The following NCKAP5 variants were observed in gnomAD, a reference collection of about 807,000 sequenced individuals.
NCKAP5 encodes the protein NCK associated protein 5.
In NCKAP5, 92 loss-of-function variants were observed where a neutral mutation model predicts 167.0. The ratio of observed to expected loss-of-function variants is 0.55; its 90% CI spans 0.47 to 0.66. The LOEUF (loss-of-function observed/expected upper bound fraction) is 0.66, where lower values mean the gene tolerates loss of function less well. NCKAP5 is among the 30% of genes least tolerant of loss of function. The pLI, the probability that NCKAP5 is intolerant of heterozygous loss-of-function variation, is 0.00. For synonymous variants in NCKAP5, 891 were observed against 877.4 expected (o/e 1.02, Z -0.27); for missense variants, 2,378 against 2,315.0 (o/e 1.03, Z -0.56).
At chr2:132,951,653 G>C (rs1302573699) in intron 8 of NCKAP5, among the ~76,000 whole-genome samples, 2 of 152,170 alleles carry the variant, frequency 1.3e-5, no homozygotes, top group African/African-American at 4.8e-5. Flanking sequence ...GCATTTCATA[G>C]TTTCAGGGTG....
chr2:132,681,945 G>A (rs1897166), intron 19 of NCKAP5, among the ~76,000 whole-genome samples: 96,480 of 151,938 alleles, frequency 0.63, 31,458 homozygotes, highest in African/African-American at 0.79. Context: ...ATATTGGAGG[G>A]TGCAAGAATG....
rs138867049 is a variant in NCKAP5, at chr2:132,728,466, T to C, written c.5580+350A>G. Reference sequence around the variant, plus strand: ...AGAACAAAGTAAAGGTTAAAATAACTACTGAGATACTGAAAAAATAGAAAA... The same window carrying C: ...AGAACAAAGTAAAGGTTAAAATAACCACTGAGATACTGAAAAAATAGAAAA... On this transcript the variant is annotated intron_variant, in intron 18 of 19. Transcript: ENST00000409261. Among the ~76,000 whole-genome samples the C allele has an allele frequency of 8.7e-3, 1,311 of 151,332 alleles. 18 individuals carry two copies. Among genetic ancestry groups the C allele is most frequent in the Non-Finnish European group, 0.01 (698 of 68,028 alleles).
chr2:132,881,554 C>CTTTTTT (rs35545031), intron 8 of NCKAP5, among the ~76,000 whole-genome samples: 9 of 126,368 alleles, frequency 7.1e-5, no homozygotes, highest in East Asian at 4.5e-4. Flanking sequence ...CCTTACCTTT[C>CTTTTTT]TTTTTTTTTT....
chr2:133,539,521 A>G (rs1435359235), intron 2 of NCKAP5, among the ~76,000 whole-genome samples: 1 of 152,222 alleles, frequency 6.6e-6, no homozygotes, highest in Admixed American at 6.5e-5. Flanking sequence ...ACCAAAACAT[A>G]AAATAGAATA....
intron 6 of NCKAP5, among the ~76,000 whole-genome samples, chr2:133,042,851 C>A (rs1397123015): frequency 6.6e-6 from 1 of 152,106 alleles, no homozygotes; most frequent in Non-Finnish European, 1.5e-5. Flanking sequence ...CATCTTGTGT[C>A]ATTGCTCTTT....
chr2:133,674,786 G>C, the NCKAP5 span, among the ~76,000 whole-genome samples: 1 of 152,146 alleles, frequency 6.6e-6, no homozygotes, highest in East Asian at 1.9e-4. Context: ...TGGGGTTTTC[G>C]GATCTTCCTT....
chr2:133,217,627 T>C (rs1033550355), intron 4 of NCKAP5, among the ~76,000 whole-genome samples: 4 of 152,118 alleles, frequency 2.6e-5, no homozygotes, highest in Non-Finnish European at 5.9e-5. Context: ...AGTATCTTAC[T>C]GTAACAGCCG....
At chr2:133,198,634 A>G (rs2085541157) in intron 5 of NCKAP5, among the ~76,000 whole-genome samples, 1 of 152,166 alleles carries the variant, frequency 6.6e-6, no homozygotes, top group African/African-American at 2.4e-5. Flanking sequence ...GAGAGATATT[A>G]AGAAAGACCT....
chr2:133,217,708 A>T (rs995796658), intron 4 of NCKAP5, among the ~76,000 whole-genome samples: 2 of 152,152 alleles, frequency 1.3e-5, no homozygotes, highest in African/African-American at 4.8e-5. Flanking sequence ...GGAACAAAAT[A>T]AATATTTGTG....
intron 3 of NCKAP5, among the ~76,000 whole-genome samples, chr2:133,359,041 T>G (rs1284971924): frequency 3.9e-5 from 6 of 152,242 alleles, no homozygotes; most frequent in Admixed American, 3.9e-4. Context: ...CATTTCTTTA[T>G]TTCAATTTTC....
rs76708104 is a variant in NCKAP5 at position 132,705,267 on chromosome 2, TA to T, written c.5713+20359del. 1.7e-3 allele frequency among the ~76,000 whole-genome samples: 257 copies of T among 151,758 alleles called. 3 individuals carry two copies. Among genetic ancestry groups the T allele is most frequent in the Middle Eastern group, 6.8e-3 (2 of 294 alleles). On this transcript the variant is annotated intron_variant, in intron 19 of 19. Coordinates refer to ENST00000409261, the MANE Select transcript of NCKAP5 (RefSeq NM_207363.3). Reference sequence around the variant, plus strand: ...AATGTGTGGTAATTTCTCTCATCCTTAAAAAAAACCCTCTCCAGTGACCCCA... The same window carrying T: ...AATGTGTGGTAATTTCTCTCATCCTTAAAAAAACCCTCTCCAGTGACCCCA...
intron 6 of NCKAP5, among the ~76,000 whole-genome samples, chr2:133,013,799 GT>G (rs2149369842): frequency 6.6e-6 from 1 of 152,190 alleles, no homozygotes; most frequent in South Asian, 2.1e-4. Context: ...CTACATCCTG[GT>G]TTACATCCTT....
At chr2:132,893,520 T>C (rs973055245) in intron 8 of NCKAP5, among the ~76,000 whole-genome samples, 2 of 152,156 alleles carry the variant, frequency 1.3e-5, no homozygotes, top group Admixed American at 6.5e-5. Flanking sequence ...AATGATAACA[T>C]TGAATGAAAG....
At chr2:133,515,605 C>T (rs973496505) in intron 3 of NCKAP5, among the ~76,000 whole-genome samples, 2 of 152,226 alleles carry the variant, frequency 1.3e-5, no homozygotes, top group Non-Finnish European at 2.9e-5. Flanking sequence ...CAACAAGTTT[C>T]AGGGTACAGC....
chr2:132,991,251 C>G (rs958608450), intron 7 of NCKAP5, among the ~76,000 whole-genome samples: 12 of 152,168 alleles, frequency 7.9e-5, no homozygotes, highest in Non-Finnish European at 1.8e-4. Context: ...GAATGAGCTA[C>G]AGTCTAGTCA....
At chr2:133,135,820 A>G (rs541271278) in intron 5 of NCKAP5, among the ~76,000 whole-genome samples, 2 of 152,226 alleles carry the variant, frequency 1.3e-5, no homozygotes, top group East Asian at 3.9e-4. Flanking sequence ...ATGTATGGTA[A>G]GGCACTTCAA....
chr2:132,809,806 C>T (rs1323029510), intron 11 of NCKAP5, among the ~76,000 whole-genome samples: 9 of 152,046 alleles, frequency 5.9e-5, no homozygotes, highest in African/African-American at 1.2e-4. Context: ...TTATTGGGCT[C>T]GTTGTTGCCT....
intron 8 of NCKAP5, among the ~76,000 whole-genome samples, chr2:132,890,744 G>T (rs2148866476): frequency 6.6e-6 from 1 of 152,262 alleles, no homozygotes; most frequent in South Asian, 2.1e-4. Context: ...TGCCATAGTG[G>T]CCATATGTGT....
At chr2:133,621,226 T>G in the NCKAP5 span, among the ~76,000 whole-genome samples, 1 of 151,556 alleles carries the variant, frequency 6.6e-6, no homozygotes, top group African/African-American at 2.4e-5. Context: ...CAGAAACAAG[T>G]ACAATCCAAA....
Sources: gnomAD v4.1 joint callset for allele counts (sites outside exome capture counted in the v4.1 genomes callset) on GRCh38, gnomAD v4.1.1 for gene constraint, MANE v1.5 for transcripts, NCBI Gene and HGNC (gene_info 2026-07-23, HGNC 2026-07-21) for gene names.